AXIN1: variants seen among roughly 807,000 people sequenced by gnomAD.
The protein encoded by AXIN1 is axin 1.
In AXIN1, 30 loss-of-function variants were observed where a neutral mutation model predicts 76.4. The ratio of observed to expected loss-of-function variants is 0.39; its 90% CI spans 0.29 to 0.53. The LOEUF (loss-of-function observed/expected upper bound fraction) is 0.53, where lower values mean the gene tolerates loss of function less well. Among genes scored for constraint, AXIN1 ranks in the 20% least tolerant of loss-of-function variants. The pLI is 0.66. For missense variants in AXIN1, 1,140 were observed against 1,198.8 expected, an observed-to-expected ratio of 0.95 and a Z score of 0.72; for synonymous variants, 545 against 501.4, an observed-to-expected ratio of 1.09 and a Z score of -1.16.
At chr16:330,121 C>T (rs935503722) in intron 2 of AXIN1, among the ~76,000 whole-genome samples, 3 of 149,492 alleles carry the variant, frequency 2.0e-5, no homozygotes, top group African/African-American at 5.0e-5. Context: ...AGAGCAGTGG[C>T]ACATTCACAG....
intron 2 of AXIN1, 139 bp downstream of exon 2, chr16:346,009 G>T: frequency 1.2e-6 from 1 of 808,480 alleles, no homozygotes; most frequent in Non-Finnish European, 2.0e-6. Context: ...TCACAAATAA[G>T]AACAGAACCA....
intron 4 of AXIN1, among the ~76,000 whole-genome samples, chr16:307,033 G>A (rs1032151974): frequency 2.6e-5 from 4 of 152,272 alleles, no homozygotes; most frequent in African/African-American, 9.6e-5. Context: ...CCAGTGCTGG[G>A]CAAGGCGCAG....
At position 295,582 on chromosome 16, in the gene AXIN1, AAAGTAT is replaced by A. The variant is rs750194152; in HGVS notation, c.1955+1468_1955+1473del. ...TTAAAAAAAAAGTCTTAATGAATAA[AAAGTAT>A]AAGTATGTCTCAAAGTGGAATGTAT... On this transcript the variant is annotated intron_variant, in intron 7 of 10. Transcript: ENST00000262320. Among the ~76,000 whole-genome samples, 126 of 152,296 alleles carry A rather than the reference AAAGTAT, an allele frequency of 8.3e-4. 1 individual carries two copies. Among genetic ancestry groups the A allele is most frequent in the Admixed American group, 1.6e-3 (24 of 15,286 alleles).
At chr16:301,066 C>T (rs971291127) in intron 5 of AXIN1, among the ~76,000 whole-genome samples, 1 of 151,860 alleles carries the variant, frequency 6.6e-6, no homozygotes, top group East Asian at 1.9e-4. Flanking sequence ...GTCGGGAGAT[C>T]GAGACCATCC....
At chr16:301,482 C>T (rs557455064) in intron 5 of AXIN1, among the ~76,000 whole-genome samples, 24 of 152,086 alleles carry the variant, frequency 1.6e-4, no homozygotes, top group African/African-American at 3.9e-4. Flanking sequence ...CCTGTGGCTA[C>T]GCCTGCCTTT....
In AXIN1 at chr16:305,735, A is replaced by G. The variant is rs1048705470; in HGVS notation, c.1117-1294T>C. Among the ~76,000 whole-genome samples the G allele has an allele frequency of 1.8e-4, 28 of 151,946 alleles. No individual in the cohort carries two copies. In the East Asian group the frequency reaches 2.6e-3, roughly 14 times the overall value. On this transcript the variant is annotated intron_variant, in intron 4 of 10. Transcript: ENST00000262320. ...ATTTTTTTGTATTTTTAGTAGAGAC[A>G]GGATTTCACCGTGTTAGCCAGGATG... is the stretch of plus-strand genomic sequence containing the variant.
At chr16:351,072 C>A (rs1483836169) in intron 1 of AXIN1, among the ~76,000 whole-genome samples, 1 of 148,974 alleles carries the variant, frequency 6.7e-6, no homozygotes, top group South Asian at 2.1e-4. Flanking sequence ...GCGGAGGATG[C>A]GGTGAGCGGA....
At chr16:320,737 A>ATTTTTTTTTTT (rs201303569) in intron 2 of AXIN1, among the ~76,000 whole-genome samples, 1 of 89,576 alleles carries the variant, frequency 1.1e-5, no homozygotes, top group African/African-American at 7.6e-5. Flanking sequence ...ATATATATAT[A>ATTTTTTTTTTT]TATATATTTT....
chr16:320,737 A>ATTTTTT (rs201303569), intron 2 of AXIN1, among the ~76,000 whole-genome samples: 71 of 89,512 alleles, frequency 7.9e-4, no homozygotes, highest in Non-Finnish European at 1.1e-3. Context: ...ATATATATAT[A>ATTTTTT]TATATATTTT....
At chr16:318,960 C>A (rs957988193) in intron 2 of AXIN1, among the ~76,000 whole-genome samples, 3 of 151,470 alleles carry the variant, frequency 2.0e-5, no homozygotes, top group Admixed American at 6.6e-5. Context: ...GCGGCCGGGG[C>A]CTTGGTGAGA....
chr16:341,223 C>G (rs1378105090), intron 2 of AXIN1, among the ~76,000 whole-genome samples: 2 of 152,270 alleles, frequency 1.3e-5, no homozygotes, highest in Non-Finnish European at 2.9e-5. Context: ...CTGGGCTGGC[C>G]AAGGCCGGAG....
chr16:345,139 G>A (rs550640163), intron 2 of AXIN1, among the ~76,000 whole-genome samples: 10 of 152,014 alleles, frequency 6.6e-5, no homozygotes, highest in Admixed American at 3.9e-4. Context: ...GGATCACAGG[G>A]AAGGAAGAAC....
intron 5 of AXIN1, among the ~76,000 whole-genome samples, chr16:301,649 T>C (rs1055123511): frequency 3.3e-5 from 5 of 152,080 alleles, no homozygotes; most frequent in African/African-American, 1.2e-4. Flanking sequence ...TTTTAAAAAA[T>C]GTCTCACTCA....
chr16:288,430 G>C (rs565333089), intron 10 of AXIN1, 182 bp from the exon 11 acceptor site: 4 of 885,222 alleles, frequency 4.5e-6, no homozygotes, highest in Admixed American at 2.1e-5. Context: ...CCACATGTGG[G>C]TGAAGTGGGC....
At chr16:299,287 A>C in intron 5 of AXIN1, 7 of 967,378 alleles carry the variant, frequency 7.2e-6, no homozygotes, top group Non-Finnish European at 8.6e-6. Flanking sequence ...GACAAACTAA[A>C]ACAGTATTGA....
At chr16:340,260 T>C (rs917988745) in intron 2 of AXIN1, among the ~76,000 whole-genome samples, 11 of 152,174 alleles carry the variant, frequency 7.2e-5, no homozygotes, top group Non-Finnish European at 1.0e-4. Flanking sequence ...GCTCCTGCTG[T>C]GGACATGTCT....
rs190300531 is a variant in AXIN1, at chr16:329,947, T to C, written c.879-15264A>G. On this transcript the variant is annotated intron_variant, in intron 2 of 10. Transcript: ENST00000262320. ...CGCGCCTGGCCAATTTTTGTATTTT[T>C]AGTAGAGACGGGGTTTCACCATGTT... 8.9e-3 allele frequency among the ~76,000 whole-genome samples: 1,353 copies of C among 152,160 alleles called. 10 individuals are homozygous for C. Among genetic ancestry groups the C allele is most frequent in the Non-Finnish European group, 0.014 (979 of 67,992 alleles).
intron 2 of AXIN1, among the ~76,000 whole-genome samples, chr16:323,256 G>A (rs529154456): frequency 3.8e-4 from 56 of 148,398 alleles, no homozygotes; most frequent in African/African-American, 1.2e-3. Flanking sequence ...TGGCTAACAC[G>A]GTGAAACCCC....
intron 2 of AXIN1, among the ~76,000 whole-genome samples, chr16:319,894 G>A (rs1054291000): frequency 2.6e-5 from 4 of 152,280 alleles, no homozygotes; most frequent in East Asian, 1.9e-4. Flanking sequence ...CCGTCGGATC[G>A]GGTTGGTTTA....
Sources: allele counts gnomAD v4.1 joint callset (sites outside exome capture counted in the v4.1 genomes callset), GRCh38; gene constraint gnomAD v4.1.1; transcripts MANE v1.5; gene names NCBI Gene and HGNC (gene_info 2026-07-23, HGNC 2026-07-21).